MCHR2: variants seen among roughly 807,000 people sequenced by gnomAD.
MCHR2 encodes the protein melanin-concentrating hormone receptor 2.
In MCHR2, 15 loss-of-function variants were observed where a neutral mutation model predicts 24.8. That is an observed-to-expected ratio of 0.60 (90% CI 0.40 to 0.93). The LOEUF (loss-of-function observed/expected upper bound fraction) is 0.93. Among genes scored for constraint, MCHR2 ranks in the 40% least tolerant of loss-of-function variants. The probability of loss-of-function intolerance (pLI) is 0.00; values close to 1 mark genes in which losing one functional copy is unlikely to be tolerated. For missense variants in MCHR2, 386 were observed against 408.7 expected, an observed-to-expected ratio of 0.94 and a Z score of 0.48; for synonymous variants, 151 against 147.6, an observed-to-expected ratio of 1.02 and a Z score of -0.17.
In MCHR2 at chr6:99,920,746, T is replaced by A. The variant is rs1484179729; in HGVS notation, c.*194A>T. 1.7e-6 allele frequency: 1 copy of A among 595,388 alleles called. No individual in the cohort carries two copies. Among genetic ancestry groups the A allele is most frequent in the African/African-American group, 1.9e-5 (1 of 53,722 alleles). 36.9% of individuals were successfully genotyped at this position (595,388 alleles called of 1,614,324 possible). ...TCCCATTCCCTACCCACAATATAGA[T>A]CAACATTTTACATCTTGCTAAAGTT... On this transcript the variant is annotated 3_prime_UTR_variant, in exon 6 of 6. Coordinates refer to ENST00000281806, the MANE Select transcript of MCHR2 (RefSeq NM_001040179.2).
intron 1 of MCHR2, among the ~76,000 whole-genome samples, chr6:99,970,685 A>G (rs949730067): frequency 9.9e-5 from 15 of 152,138 alleles, no homozygotes; most frequent in Non-Finnish European, 1.5e-4. Flanking sequence ...TAGGGTTTTT[A>G]TGGTTTTAGG....
chr6:99,978,455 C>T (rs1007375048), intron 1 of MCHR2, among the ~76,000 whole-genome samples: 1 of 110,008 alleles, frequency 9.1e-6, no homozygotes, highest in Non-Finnish European at 1.7e-5. Context: ...CGGAGTCTTG[C>T]TCTGTCAGGC....
chr6:99,939,420 A>T (rs569693564), intron 4 of MCHR2, among the ~76,000 whole-genome samples: 2 of 152,174 alleles, frequency 1.3e-5, no homozygotes, highest in African/African-American at 2.4e-5. Context: ...AGAGATGATA[A>T]TTTATCTTAC....
At chr6:99,984,389 T>A (rs1204346308) in intron 1 of MCHR2, among the ~76,000 whole-genome samples, 1 of 152,018 alleles carries the variant, frequency 6.6e-6, no homozygotes, top group Non-Finnish European at 1.5e-5. Context: ...TAGGTATATC[T>A]CCTGAAGTTA....
chr6:99,983,533 C>T (rs1357755615), intron 1 of MCHR2, among the ~76,000 whole-genome samples: 1 of 152,200 alleles, frequency 6.6e-6, no homozygotes, highest in Non-Finnish European at 1.5e-5. Context: ...TTGAAATCGT[C>T]ACACTCAAGC....
chr6:99,993,434 G>A (rs1213509923), intron 1 of MCHR2, among the ~76,000 whole-genome samples: 4 of 152,148 alleles, frequency 2.6e-5, no homozygotes, highest in African/African-American at 4.8e-5. Context: ...CCGGAGGCGC[G>A]TACAGGGGAC....
chr6:99,927,075 C>T (rs907195594), intron 5 of MCHR2, among the ~76,000 whole-genome samples: 14 of 151,938 alleles, frequency 9.2e-5, no homozygotes, highest in African/African-American at 2.7e-4. Flanking sequence ...TTTCCCGGCA[C>T]CATTTATTAA....
At chr6:99,957,468 T>C (rs1775087632) in intron 1 of MCHR2, among the ~76,000 whole-genome samples, 2 of 152,138 alleles carry the variant, frequency 1.3e-5, no homozygotes, top group African/African-American at 4.8e-5. Flanking sequence ...GAATCTCCCC[T>C]GAAGAGAATT....
At chr6:99,950,470 G>A (rs1774945535) in intron 2 of MCHR2, among the ~76,000 whole-genome samples, 1 of 151,926 alleles carries the variant, frequency 6.6e-6, no homozygotes, top group Admixed American at 6.5e-5. Context: ...TGCTCCATAT[G>A]GTTAACGTGG....
chr6:99,977,740 TA>T (rs1321957422), intron 1 of MCHR2, among the ~76,000 whole-genome samples: 8 of 151,838 alleles, frequency 5.3e-5, no homozygotes, highest in East Asian at 1.9e-4. Flanking sequence ...TCTTATCCTT[TA>T]AAAAAAAGGT....
At chr6:99,976,486 C>G (rs117336722) in intron 1 of MCHR2, among the ~76,000 whole-genome samples, 2,898 of 152,326 alleles carry the variant, frequency 0.019, 33 homozygotes, top group Middle Eastern at 0.048. Flanking sequence ...TGTGAAGGAG[C>G]AGAACTGCTG....
At chr6:99,954,066 T>G (rs1421909846) in intron 2 of MCHR2, among the ~76,000 whole-genome samples, 1 of 152,116 alleles carries the variant, frequency 6.6e-6, no homozygotes, top group East Asian at 1.9e-4. Context: ...TGCTCTCAGT[T>G]AAGCCTGTGA....
At chr6:99,960,797 A>G (rs1775168977) in intron 1 of MCHR2, among the ~76,000 whole-genome samples, 1 of 152,152 alleles carries the variant, frequency 6.6e-6, no homozygotes, top group African/African-American at 2.4e-5. Context: ...CTGAAACTGG[A>G]CCCCTTCGTT....
At chr6:99,937,019 A>C (rs895922055) in intron 4 of MCHR2, among the ~76,000 whole-genome samples, 1 of 151,798 alleles carries the variant, frequency 6.6e-6, no homozygotes, top group African/African-American at 2.4e-5. Flanking sequence ...ATTGTTTATT[A>C]CTGCATATGT....
chr6:99,950,276 A>G (rs1774942805), intron 2 of MCHR2, among the ~76,000 whole-genome samples: 1 of 152,184 alleles, frequency 6.6e-6, no homozygotes, highest in Non-Finnish European at 1.5e-5. Flanking sequence ...ACTGAAAGCA[A>G]CAGCATCAAA....
intron 1 of MCHR2, among the ~76,000 whole-genome samples, chr6:99,982,467 G>GAAAAAAAAAAA: frequency 4.3e-5 from 2 of 46,640 alleles, no homozygotes; most frequent in East Asian, 7.3e-4. Flanking sequence ...TGTCTGTACA[G>GAAAAAAAAAAA]AAAAAAAAAA....
intron 1 of MCHR2, among the ~76,000 whole-genome samples, chr6:99,977,981 A>G (rs934118479): frequency 1.4e-4 from 22 of 152,316 alleles, no homozygotes; most frequent in African/African-American, 5.3e-4. Context: ...GGTAAACTCA[A>G]AAATTATACC....
chr6:99,984,975 A>G (rs1775745353), intron 1 of MCHR2, among the ~76,000 whole-genome samples: 1 of 152,186 alleles, frequency 6.6e-6, no homozygotes, highest in Non-Finnish European at 1.5e-5. Context: ...TGACTTCAGT[A>G]AAGTTTCAGA....
At chr6:99,952,089 C>A (rs1774975926) in intron 2 of MCHR2, among the ~76,000 whole-genome samples, 1 of 152,054 alleles carries the variant, frequency 6.6e-6, no homozygotes, top group Non-Finnish European at 1.5e-5. Context: ...ATTCCCAGGG[C>A]CTGCTGTGCC....
Sources: allele counts gnomAD v4.1 joint callset (sites outside exome capture counted in the v4.1 genomes callset), GRCh38; gene constraint gnomAD v4.1.1; transcripts MANE v1.5; gene names NCBI Gene and HGNC (gene_info 2026-07-23, HGNC 2026-07-21).